TMEFF2: variants seen among roughly 807,000 people sequenced by gnomAD.
TMEFF2 encodes the protein transmembrane protein with EGF like and two follistatin like domains 2.
In TMEFF2, 28 loss-of-function variants were observed where a neutral mutation model predicts 53.8. That is an observed-to-expected ratio of 0.52 (90% CI 0.39 to 0.71). The LOEUF is 0.71. TMEFF2 is among the 30% of genes least tolerant of loss of function. TMEFF2 has a pLI of 0.00. For synonymous variants in TMEFF2, 162 were observed against 166.3 expected (o/e 0.97, Z 0.20); for missense variants, 353 against 455.2 (o/e 0.78, Z 2.04).
chr2:192,014,193 TC>T (rs149357451), intron 5 of TMEFF2, among the ~76,000 whole-genome samples: 8,005 of 152,254 alleles, frequency 0.053, 274 homozygotes, highest in Admixed American at 0.083. Flanking sequence ...GTCCAAATAG[TC>T]CTATTAGGTA....
intron 3 of TMEFF2, among the ~76,000 whole-genome samples, chr2:192,181,683 C>T (rs895903418): frequency 4.0e-5 from 6 of 151,716 alleles, no homozygotes; most frequent in South Asian, 2.1e-4. Flanking sequence ...TATTCATCTA[C>T]GAGTATTCTA....
intron 7 of TMEFF2, among the ~76,000 whole-genome samples, chr2:191,966,350 G>T (rs112823895): frequency 0.015 from 2,275 of 152,282 alleles, 30 homozygotes; most frequent in Non-Finnish European, 0.021. Context: ...ACAGATCATC[G>T]AGTTTTAAAA....
chr2:192,126,467 G>GA (rs74749541), intron 4 of TMEFF2, among the ~76,000 whole-genome samples: 1 of 152,038 alleles, frequency 6.6e-6, no homozygotes, highest in African/African-American at 2.4e-5. Context: ...ATATATGTCA[G>GA]AAAAAAATAT....
At chr2:192,075,330 T>TAA (rs1489734329) in intron 4 of TMEFF2, among the ~76,000 whole-genome samples, 1 of 100,960 alleles carries the variant, frequency 9.9e-6, no homozygotes, top group South Asian at 3.1e-4. Flanking sequence ...TATATATATA[T>TAA]ATACATACAT....
At chr2:192,081,108 A>C (rs1285600115) in intron 4 of TMEFF2, among the ~76,000 whole-genome samples, 4 of 152,220 alleles carry the variant, frequency 2.6e-5, no homozygotes, top group African/African-American at 9.6e-5. Flanking sequence ...CGGATGCAAT[A>C]CTAGGGACTA....
At chr2:192,008,365 A>G (rs956600399) in intron 5 of TMEFF2, among the ~76,000 whole-genome samples, 1 of 152,216 alleles carries the variant, frequency 6.6e-6, no homozygotes, top group African/African-American at 2.4e-5. Context: ...ATCCATTGTC[A>G]TAGGTCACGA....
chr2:191,977,207 C>T (rs942203105), intron 7 of TMEFF2, among the ~76,000 whole-genome samples: 7 of 152,186 alleles, frequency 4.6e-5, no homozygotes, highest in Non-Finnish European at 7.3e-5. Flanking sequence ...AAAACTTAGA[C>T]GGGAGAGAGA....
At chr2:192,122,277 C>CTA (rs1198047595) in intron 4 of TMEFF2, among the ~76,000 whole-genome samples, 1 of 151,956 alleles carries the variant, frequency 6.6e-6, no homozygotes, top group Non-Finnish European at 1.5e-5. Context: ...TTTCTTAATG[C>CTA]TAAAAAAAGG....
chr2:192,064,971 GCTGA>G (rs958172862), intron 4 of TMEFF2, among the ~76,000 whole-genome samples: 5 of 151,816 alleles, frequency 3.3e-5, no homozygotes, highest in Non-Finnish European at 2.9e-5. Context: ...CCTAATGAAA[GCTGA>G]CTAATAAAAT....
At chr2:192,158,952 C>T (rs909617930) in intron 4 of TMEFF2, among the ~76,000 whole-genome samples, 15 of 151,984 alleles carry the variant, frequency 9.9e-5, no homozygotes, top group East Asian at 1.9e-4. Flanking sequence ...AACATAGGGT[C>T]GAGCGATCAT....
chr2:191,982,769 C>T (rs771429847), intron 7 of TMEFF2, among the ~76,000 whole-genome samples: 1 of 152,058 alleles, frequency 6.6e-6, no homozygotes, highest in Non-Finnish European at 1.5e-5. Flanking sequence ...TATTACTAGG[C>T]ATTTGAGTAT....
chr2:192,120,768 G>A (rs372754999), intron 4 of TMEFF2, among the ~76,000 whole-genome samples: 5 of 150,324 alleles, frequency 3.3e-5, no homozygotes, highest in East Asian at 1.9e-4. Flanking sequence ...ATGGAGTCTC[G>A]CTCTGTCGCC....
At chr2:191,953,452 AC>A (rs1249751806) in intron 9 of TMEFF2, among the ~76,000 whole-genome samples, 1 of 152,214 alleles carries the variant, frequency 6.6e-6, no homozygotes. Context: ...GGTAAAAAAA[AC>A]AATCTTTATC....
At chr2:192,011,948 G>C (rs1168504195) in intron 5 of TMEFF2, among the ~76,000 whole-genome samples, 2 of 151,734 alleles carry the variant, frequency 1.3e-5, no homozygotes, top group African/African-American at 4.8e-5. Flanking sequence ...GTGCAGTGGC[G>C]CAGTCTCCGC....
chr2:192,158,953 G>A (rs919818441), intron 4 of TMEFF2, among the ~76,000 whole-genome samples: 9 of 151,934 alleles, frequency 5.9e-5, no homozygotes, highest in Non-Finnish European at 1.2e-4. Context: ...ACATAGGGTC[G>A]AGCGATCATT....
chr2:191,972,140 GTTTT>G (rs1392820693), intron 7 of TMEFF2, among the ~76,000 whole-genome samples: 23 of 47,674 alleles, frequency 4.8e-4, no homozygotes, highest in African/African-American at 1.5e-3. Context: ...TTGCGTTAGT[GTTTT>G]TTTGTTTTTT....
intron 9 of TMEFF2, among the ~76,000 whole-genome samples, chr2:191,950,669 A>G (rs965728391): frequency 6.6e-6 from 1 of 152,210 alleles, no homozygotes; most frequent in East Asian, 1.9e-4. Context: ...CTGCTTACTC[A>G]TTAAGGCACA....
chr2:192,132,038 C>A (rs982674103), intron 4 of TMEFF2, among the ~76,000 whole-genome samples: 3 of 152,104 alleles, frequency 2.0e-5, no homozygotes, highest in Non-Finnish European at 4.4e-5. Flanking sequence ...TCCCCTCAGT[C>A]CCAACCCCAA....
intron 5 of TMEFF2, among the ~76,000 whole-genome samples, chr2:192,020,215 C>T (rs1447205088): frequency 6.6e-6 from 1 of 151,936 alleles, no homozygotes; most frequent in Non-Finnish European, 1.5e-5. Flanking sequence ...AATGAATGAA[C>T]CAAGAATATG....
Sources: allele counts gnomAD v4.1 joint callset (sites outside exome capture counted in the v4.1 genomes callset), GRCh38; gene constraint gnomAD v4.1.1; transcripts MANE v1.5; gene names NCBI Gene and HGNC (gene_info 2026-07-23, HGNC 2026-07-21).